TSHZ1: variants seen among roughly 807,000 people sequenced by gnomAD.
TSHZ1 encodes teashirt zinc finger homeobox 1.
TSHZ1 carries 12 observed loss-of-function variants against 67.1 expected under a neutral mutation model. The ratio of observed to expected loss-of-function variants is 0.18; its 90% CI spans 0.11 to 0.29. The LOEUF is 0.29. Among genes scored for constraint, TSHZ1 ranks in the 10% least tolerant of loss-of-function variants. The pLI, the probability that TSHZ1 is intolerant of heterozygous loss-of-function variation, is 1.00. For missense variants in TSHZ1, 1,305 were observed against 1,413.9 expected, an observed-to-expected ratio of 0.92 and a Z score of 1.23; for synonymous variants, 632 against 622.4, an observed-to-expected ratio of 1.02 and a Z score of -0.23.
intron 1 of TSHZ1, among the ~76,000 whole-genome samples, chr18:75,216,133 A>C (rs1475935215): frequency 6.6e-6 from 1 of 152,240 alleles, no homozygotes; most frequent in Non-Finnish European, 1.5e-5. Context: ...AGGGGGATGA[A>C]AATAGTAAGA....
intron 1 of TSHZ1, among the ~76,000 whole-genome samples, chr18:75,235,110 C>T (rs1057246028): frequency 3.3e-5 from 5 of 152,198 alleles, no homozygotes; most frequent in African/African-American, 4.8e-5. Flanking sequence ...TTACCTCCTG[C>T]GCGTGAATGT....
chr18:75,211,815 G>C lies in TSHZ1; in HGVS notation c.-62G>C. 1 of 1,057,442 alleles carries C rather than the reference G, an allele frequency of 9.5e-7. No homozygotes were observed. Among genetic ancestry groups the C allele is most frequent in the Non-Finnish European group, 1.1e-6 (1 of 876,796 alleles). 65.5% of individuals were successfully genotyped at this position (1,057,442 alleles called of 1,614,324 possible). A position where few individuals can be genotyped will look rare whatever the true frequency, so the allele number is the denominator to read the frequency against. On this transcript the variant is annotated 5_prime_UTR_variant, in exon 1 of 2. Transcript: ENST00000580243. ...GAGTTGCGCCCGCGCCCGGGGCCCC[G>C]CGTCCCCGCGCCCCGCGAACTCCGG...
intron 1 of TSHZ1, among the ~76,000 whole-genome samples, chr18:75,244,100 A>G (rs2023192354): frequency 6.6e-6 from 1 of 152,192 alleles, no homozygotes; most frequent in African/African-American, 2.4e-5. Context: ...AGCAGGAAGG[A>G]GCAAGTGGAA....
At chr18:75,221,333 T>G (rs894930329) in intron 1 of TSHZ1, among the ~76,000 whole-genome samples, 6 of 152,244 alleles carry the variant, frequency 3.9e-5, no homozygotes, top group African/African-American at 1.4e-4. Flanking sequence ...AAAGTGCATC[T>G]TCAGCAAGAT....
Position 75,281,418 on chromosome 18 carries a change from C to T in TSHZ1, c.41-4030C>T, listed in dbSNP as rs753082150. On this transcript the variant is annotated intron_variant, in intron 1 of 1. Transcript: ENST00000580243. The surrounding 1 kb of genome is among the most constrained non-coding windows in gnomAD (Gnocchi z 5.3). ...GGGGTGTCATTTTGTTTGCACACAA[C>T]GTAGGTGTGATGTGGAGCACCCGTG... Among the ~76,000 whole-genome samples, 10 of 152,174 alleles carry T rather than the reference C, an allele frequency of 6.6e-5. No homozygotes were observed. Among genetic ancestry groups the T allele is most frequent in the African/African-American group, 1.4e-4 (6 of 41,448 alleles).
chr18:75,287,601 A>G lies in TSHZ1; in HGVS notation c.2194A>G (p.Ile732Val), dbSNP rs201122666. 1.2e-6 allele frequency: 2 copies of G among 1,614,154 alleles called. No homozygotes were observed. Among genetic ancestry groups the G allele is most frequent in the African/African-American group, 1.3e-5 (1 of 75,042 alleles). The change falls in exon 2 of 2, where the codon ATC (isoleucine) becomes GTC (valine). Residue 732 changes from isoleucine (I) to valine (V), a missense_variant. Coordinates refer to ENST00000580243, the MANE Select transcript of TSHZ1 (RefSeq NM_001308210.2). This position sits in a 1 kb window ranked among gnomAD's most constrained non-coding sequence, Gnocchi z 5.0. ...KVTNGCNNLG[I>V]IMDHSPEPSF... ...CACCAACGGCTGTAACAACCTGGGG[A>G]TCATCATGGACCACTCACCGGAGCC...
In TSHZ1 at chr18:75,287,710, T is replaced by C. The variant is rs2122626117; in HGVS notation, c.2303T>C (p.Leu768Pro). The C allele has an allele frequency of 1.2e-6, 2 of 1,614,216 alleles. No homozygotes were observed. Among genetic ancestry groups the C allele is most frequent in the Non-Finnish European group, 1.7e-6 (2 of 1,180,050 alleles). Residue 768 changes from leucine (L) to proline (P), a missense_variant, in exon 2 of 2, where the codon CTG (leucine) becomes CCG (proline). This residue lies in a region of TSHZ1 where 909 missense variants were observed against 961.8 expected (regional missense o/e 0.95). Coordinates refer to ENST00000580243, the MANE Select transcript of TSHZ1 (RefSeq NM_001308210.2). This position sits in a 1 kb window ranked among gnomAD's most constrained non-coding sequence, Gnocchi z 5.0. The stretch of plus-strand genomic sequence containing the variant: ...GTGTCCAAGCCCGTGAGTCCCTCGC[T>C]GGACCCGCTGGCGATGCTGTACAAG... Reference protein sequence around the residue: ...GKVSKPVSPSLDPLAMLYKIS... With the variant: ...GKVSKPVSPSPDPLAMLYKIS...
intron 1 of TSHZ1, among the ~76,000 whole-genome samples, chr18:75,226,806 T>C (rs1301500728): frequency 3.3e-5 from 5 of 152,120 alleles, no homozygotes; most frequent in Non-Finnish European, 7.4e-5. Context: ...AGAGAGTTCA[T>C]TTTGCAGTCC....
In TSHZ1 at chr18:75,286,791, G is replaced by C; in HGVS notation, c.1384G>C (p.Glu462Gln). 6.2e-7 allele frequency: 1 copy of C among 1,613,678 alleles called. No homozygotes were observed. Among genetic ancestry groups the C allele is most frequent in the African/African-American group, 1.3e-5 (1 of 75,046 alleles). The stretch of plus-strand genomic sequence containing the variant: ...GCAGTTGGTGCTGGACCCTGTGGTG[G>C]AAGAGAAGATCCAGTCCATCCCACT... ...GKQLVLDPVV[E>Q]EKIQSIPLPP... is the part of the protein sequence containing the mutation. Residue 462 changes from glutamate to glutamine, a missense_variant, in exon 2 of 2, where the codon GAA (glutamate) becomes CAA (glutamine). By Grantham distance (29) the Glu-to-Gln change is conservative (BLOSUM62 2). This residue lies in a region of TSHZ1 where 909 missense variants were observed against 961.8 expected (regional missense o/e 0.95). Coordinates refer to ENST00000580243, the MANE Select transcript of TSHZ1 (RefSeq NM_001308210.2). This position sits in a 1 kb window ranked among gnomAD's most constrained non-coding sequence, Gnocchi z 5.1.
rs146373782 is a variant in TSHZ1 at position 75,286,172 on chromosome 18, C to T, written c.765C>T (p.Tyr255=). The change falls in exon 2 of 2, where the codon TAC becomes TAT. Residue 255 remains tyrosine, a synonymous_variant. Transcript: ENST00000580243. The surrounding 1 kb of genome is among the most constrained non-coding windows in gnomAD (Gnocchi z 5.1). ...GGTGCAAAGACTGCAGTGCCGCGTA[C>T]GACACGCTGGTGGAACTGACGGTGC... The part of the protein sequence containing the change: ...KFRCKDCSAA[Y]DTLVELTVHM... 29 of 1,613,956 alleles carry T rather than the reference C, an allele frequency of 1.8e-5. No homozygotes were observed. The highest frequency in any genetic ancestry group is 5.3e-5 in the African/African-American group (4 of 74,904).
intron 1 of TSHZ1, among the ~76,000 whole-genome samples, chr18:75,267,671 A>G (rs1167117563): frequency 3.9e-5 from 6 of 152,350 alleles, no homozygotes; most frequent in South Asian, 2.1e-4. Context: ...GGGTATAAGA[A>G]ATGCTTCTGA....
rs2023832162 is a variant in TSHZ1 at position 75,289,429 on chromosome 18, T to G, written c.*788T>G. 6.0e-6 allele frequency: 1 copy of G among 167,098 alleles called. No individual in the cohort carries two copies. The highest frequency in any genetic ancestry group is 1.5e-5 in the Non-Finnish European group (1 of 68,128). The allele number at this position is 167,098 out of a possible 1,614,324, so 10.4% of individuals were successfully genotyped here. A position where few individuals can be genotyped will look rare whatever the true frequency, so the allele number is the denominator to read the frequency against. ...TTTTTTCCTGTAAAATATTGCAGTT[T>G]ATAGTTATTTACAAATGTAAGCTTT... On this transcript the variant is annotated 3_prime_UTR_variant, in exon 2 of 2. Coordinates refer to ENST00000580243, the MANE Select transcript of TSHZ1 (RefSeq NM_001308210.2).
chr18:75,214,516 G>A (rs2022741595), intron 1 of TSHZ1, among the ~76,000 whole-genome samples: 1 of 152,142 alleles, frequency 6.6e-6, no homozygotes, highest in African/African-American at 2.4e-5. Context: ...ATAACATCCT[G>A]ACTGTTTTTT....
rs551449559 is a variant in TSHZ1, at chr18:75,215,238, A to G, written c.40+3322A>G. Among the ~76,000 whole-genome samples the G allele has an allele frequency of 3.3e-5, 5 of 152,348 alleles. No individual in the cohort carries two copies. The South Asian group carries it at 1.0e-3, about 32-fold the overall frequency. On this transcript the variant is annotated intron_variant, in intron 1 of 1. Transcript: ENST00000580243. ...ATTAAAAATCAGTCTTTTCAGGTGTATGCAGAATAGATCTGTACCAGAGAA... is the reference window on the plus strand; with the variant it reads ...ATTAAAAATCAGTCTTTTCAGGTGTGTGCAGAATAGATCTGTACCAGAGAA...
intron 1 of TSHZ1, among the ~76,000 whole-genome samples, chr18:75,259,811 C>T (rs1040295233): frequency 6.6e-6 from 1 of 152,174 alleles, no homozygotes; most frequent in Admixed American, 6.5e-5. Context: ...GTGGATCACC[C>T]TAAACAATGC....
At chr18:75,282,785 T>C (rs2023702232) in intron 1 of TSHZ1, 1 of 152,222 alleles carries the variant, frequency 6.6e-6, no homozygotes, top group Non-Finnish European at 1.5e-5. Context: ...TATGTGGATA[T>C]GGTAGCCCAA....
chr18:75,265,628 C>CT (rs2023481109), intron 1 of TSHZ1, among the ~76,000 whole-genome samples: 1 of 152,144 alleles, frequency 6.6e-6, no homozygotes, highest in African/African-American at 2.4e-5. Context: ...AAATGTGAAG[C>CT]TTTTAAACTC....
rs1321787038 is a variant in TSHZ1, at chr18:75,287,360, C to T, written c.1953C>T (p.Asn651=). 2 of 1,614,110 alleles carry T rather than the reference C, an allele frequency of 1.2e-6. No homozygotes were observed. Among genetic ancestry groups the T allele is most frequent in the African/African-American group, 2.7e-5 (2 of 75,050 alleles). The stretch of plus-strand genomic sequence containing the variant: ...TGGAGAAGGTCACGGGCAAGGTCAA[C>T]ATCAAGAAGGAGGAGAGACCCCCTG... The part of the protein sequence containing the change: ...ELVEKVTGKV[N]IKKEERPPEK... The change falls in exon 2 of 2, where the codon AAC becomes AAT. Residue 651 remains asparagine (N), a synonymous_variant. Transcript: ENST00000580243. The surrounding 1 kb of genome is among the most constrained non-coding windows in gnomAD (Gnocchi z 5.0).
intron 1 of TSHZ1, among the ~76,000 whole-genome samples, chr18:75,229,847 G>A (rs2022974846): frequency 6.6e-6 from 1 of 152,204 alleles, no homozygotes; most frequent in South Asian, 2.1e-4. Context: ...AGAAAAGGGG[G>A]CAAAGAAAGA....
Sources: allele counts gnomAD v4.1 joint callset (sites outside exome capture counted in the v4.1 genomes callset), GRCh38; gene constraint gnomAD v4.1.1; regional missense constraint gnomAD v4.1.1; non-coding constraint Gnocchi (gnomAD v3.1); transcripts MANE v1.5; gene names NCBI Gene and HGNC (gene_info 2026-07-23, HGNC 2026-07-21).